The following SLC41A3 variants were observed in gnomAD, a reference collection of about 807,000 sequenced individuals.
The protein encoded by SLC41A3 is solute carrier family 41 member 3, also known as SLC41A1-like 2.
A neutral mutation model predicts 45.4 loss-of-function variants in SLC41A3; 44 were observed. The observed-to-expected ratio is 0.97, with a 90% CI of 0.76 to 1.25. The LOEUF (loss-of-function observed/expected upper bound fraction) is 1.25. Ranked by LOEUF, SLC41A3 falls within the 50% of genes most tolerant of loss-of-function variation. The pLI is 0.00. For synonymous variants in SLC41A3, 256 were observed against 252.4 expected, an observed-to-expected ratio of 1.01 and a Z score of -0.13; for missense variants, 550 against 600.6, an observed-to-expected ratio of 0.92 and a Z score of 0.88.
intron 2 of SLC41A3, among the ~76,000 whole-genome samples, chr3:126,061,114 T>C (rs533307249): frequency 6.6e-6 from 1 of 152,312 alleles, no homozygotes; most frequent in South Asian, 2.1e-4. Flanking sequence ...AGGAGCAGTT[T>C]CCAACGCAGC....
rs1433371833 is a variant in SLC41A3 at position 126,012,746 on chromosome 3, A to G, written c.974T>C (p.Val325Ala). 1 of 1,614,050 alleles carries G rather than the reference A, an allele frequency of 6.2e-7. No homozygotes were observed. The highest frequency in any genetic ancestry group is 1.3e-5 in the African/African-American group (1 of 74,914). The change falls in exon 9 of 11, where the codon GTT (valine) becomes GCT (alanine). Residue 325 changes from valine (V) to alanine (A), a missense_variant. Physicochemically the swap from Val to Ala is moderately conservative, Grantham distance 64. Transcript: ENST00000360370. ...CTGAATGGCCACCAGATTGCCACCA[A>G]CACCTACGAGGAGAAAAGGAATCTG... ...MAIFTPVICG[V>A]GGNLVAIQTS...
intron 7 of SLC41A3, 132 bp from the exon 8 acceptor site, chr3:126,015,705 A>C: frequency 1.2e-6 from 1 of 829,688 alleles, no homozygotes; most frequent in South Asian, 1.6e-5. Flanking sequence ...CCTACACAAA[A>C]TATCTGCTGC....
intron 3 of SLC41A3, among the ~76,000 whole-genome samples, chr3:126,044,082 A>G (rs1387168924): frequency 6.6e-6 from 1 of 152,220 alleles, no homozygotes; most frequent in Non-Finnish European, 1.5e-5. Context: ...GGACACACAA[A>G]GGTTTATTGT....
At chr3:126,063,732 C>A (rs1020929528) in intron 2 of SLC41A3, among the ~76,000 whole-genome samples, 1 of 152,192 alleles carries the variant, frequency 6.6e-6, no homozygotes, top group South Asian at 2.1e-4. Context: ...CAGACATGGC[C>A]GACGGTGGCC....
At chr3:126,100,211 C>G (rs1945682131) in intron 1 of SLC41A3, among the ~76,000 whole-genome samples, 1 of 152,158 alleles carries the variant, frequency 6.6e-6, no homozygotes, top group Non-Finnish European at 1.5e-5. Context: ...CCTCCCTCCC[C>G]CTCTTGCCAC....
intron 4 of SLC41A3, among the ~76,000 whole-genome samples, chr3:126,027,424 T>G (rs1941453137): frequency 6.6e-6 from 1 of 152,196 alleles, no homozygotes; most frequent in African/African-American, 2.4e-5. Flanking sequence ...TCCTGGGGCT[T>G]TTCCACAAGC....
At chr3:126,050,806 T>C in intron 3 of SLC41A3, 137 bp downstream of exon 3, 6 of 1,384,202 alleles carry the variant, frequency 4.3e-6, no homozygotes, top group African/African-American at 1.4e-5. Flanking sequence ...AGGGACAGCA[T>C]GATGAGGTAT....
intron 5 of SLC41A3, 167 bp from the exon 6 acceptor site, chr3:126,023,099 G>C: frequency 1.1e-6 from 1 of 891,586 alleles, no homozygotes; most frequent in Non-Finnish European, 1.7e-6. Flanking sequence ...CGTGAAGCCA[G>C]GCTGCCCTGA....
chr3:126,092,202 A>C (rs888723537), intron 1 of SLC41A3, among the ~76,000 whole-genome samples: 1 of 152,118 alleles, frequency 6.6e-6, no homozygotes, highest in Admixed American at 6.6e-5. Context: ...TAACGCCCAC[A>C]CTGGAAGGTT....
intron 3 of SLC41A3, among the ~76,000 whole-genome samples, chr3:126,039,715 C>T (rs954942987): frequency 2.6e-5 from 4 of 152,174 alleles, no homozygotes; most frequent in South Asian, 2.1e-4. Context: ...TGAGGACATA[C>T]GTTAAAACAA....
intron 1 of SLC41A3, among the ~76,000 whole-genome samples, chr3:126,073,760 T>C (rs1370514740): frequency 1.3e-5 from 2 of 152,080 alleles, no homozygotes. Context: ...TAACACCAGA[T>C]GGCTTCACTA....
chr3:126,052,824 G>T (rs1943421569), intron 2 of SLC41A3, among the ~76,000 whole-genome samples: 1 of 151,990 alleles, frequency 6.6e-6, no homozygotes, highest in Admixed American at 6.6e-5. Context: ...TTTCTTTTCA[G>T]TTCTCCTTTC....
In SLC41A3 at chr3:126,015,641, C is replaced by A. The variant is rs1157469207; in HGVS notation, c.891-68G>T. On this transcript the variant is annotated intron_variant, in intron 7 of 10. Transcript: ENST00000360370. ...CTTACAGTGGCCCTGCAACTCTCCA[C>A]ACAAATCACCCTTTCAGCCCAGCTT... 2.7e-5 allele frequency: 39 copies of A among 1,459,010 alleles called. No individual in the cohort carries two copies. In the South Asian group the frequency reaches 3.6e-4, roughly 13 times the overall value. The allele number at this position is 1,459,010 out of a possible 1,614,324, so 90.4% of individuals were successfully genotyped here. A position where few individuals can be genotyped will look rare whatever the true frequency, so the allele number is the denominator to read the frequency against.
intron 2 of SLC41A3, among the ~76,000 whole-genome samples, chr3:126,063,949 A>AACCCCC (rs149982576): frequency 9.8e-6 from 1 of 101,996 alleles, no homozygotes; most frequent in African/African-American, 3.4e-5. Flanking sequence ...GCCAGATCCA[A>AACCCCC]CCCCCCCCCG....
intron 2 of SLC41A3, chr3:126,067,566 T>C (rs1053170453): frequency 2.2e-6 from 1 of 452,066 alleles, no homozygotes; most frequent in Admixed American, 2.4e-5. Flanking sequence ...CACCTTGATC[T>C]TGGACTTCCA....
rs190120400 is a variant in SLC41A3 at position 126,035,934 on chromosome 3, T to A, written c.382-2256A>T. ...ATATCAGGGGAAATAGCTGCAGGCA[T>A]GGGGCCAGTCTGAATAGGAATGAAG... On this transcript the variant is annotated intron_variant, in intron 3 of 10. Transcript: ENST00000360370. 2.2e-3 allele frequency among the ~76,000 whole-genome samples: 338 copies of A among 152,208 alleles called. 2 individuals carry two copies. The highest frequency in any genetic ancestry group is 7.8e-3 in the African/African-American group (325 of 41,518).
intron 3 of SLC41A3, among the ~76,000 whole-genome samples, chr3:126,036,676 C>G (rs1325034009): frequency 6.6e-6 from 1 of 152,164 alleles, no homozygotes; most frequent in Non-Finnish European, 1.5e-5. Context: ...TGTATATCAC[C>G]TCTCTCCTGC....
chr3:126,030,514 CCT>C (rs1941720344), intron 4 of SLC41A3, among the ~76,000 whole-genome samples: 1 of 152,152 alleles, frequency 6.6e-6, no homozygotes, highest in Non-Finnish European at 1.5e-5. Flanking sequence ...TGCTGTTCTT[CCT>C]CTTTTAAAAG....
chr3:126,042,541 G>A (rs1298268248), intron 3 of SLC41A3, among the ~76,000 whole-genome samples: 1 of 152,060 alleles, frequency 6.6e-6, no homozygotes, highest in Non-Finnish European at 1.5e-5. Flanking sequence ...CTAGTCACAG[G>A]AACAAAAAAA....
Sources: gnomAD v4.1 joint callset for allele counts (sites outside exome capture counted in the v4.1 genomes callset) on GRCh38, gnomAD v4.1.1 for gene constraint, MANE v1.5 for transcripts, NCBI Gene and HGNC (gene_info 2026-07-23, HGNC 2026-07-21) for gene names.